The following PARD3B variants were observed in gnomAD, a reference collection of about 807,000 sequenced individuals.
PARD3B encodes the protein par-3 family cell polarity regulator beta, also known as partitioning defective 3 homolog B.
In PARD3B, 103 loss-of-function variants were observed where a neutral mutation model predicts 130.2. The observed-to-expected ratio is 0.79, with a 90% CI of 0.67 to 0.93. PARD3B has a LOEUF of 0.93. PARD3B is among the 40% of genes least tolerant of loss of function. The probability of loss-of-function intolerance (pLI) is 0.00; values close to 1 mark genes in which losing one functional copy is unlikely to be tolerated. For synonymous variants in PARD3B, 583 were observed against 553.2 expected, an observed-to-expected ratio of 1.05 and a Z score of -0.76; for missense variants, 1,609 against 1,499.2, an observed-to-expected ratio of 1.07 and a Z score of -1.21.
chr2:205,019,625 C>T (rs1696445418), intron 3 of PARD3B, among the ~76,000 whole-genome samples: 1 of 152,190 alleles, frequency 6.6e-6, no homozygotes, highest in South Asian at 2.1e-4. Flanking sequence ...CCCAGTTTCT[C>T]CACATCCTCA....
intron 21 of PARD3B, among the ~76,000 whole-genome samples, chr2:205,552,624 G>A (rs2052699127): frequency 6.6e-6 from 1 of 152,008 alleles, no homozygotes; most frequent in African/African-American, 2.4e-5. Context: ...GGCCAGTCTG[G>A]TCTCAGACTC....
At chr2:205,133,093 T>A (rs916112908) in intron 10 of PARD3B, among the ~76,000 whole-genome samples, 4 of 152,212 alleles carry the variant, frequency 2.6e-5, no homozygotes, top group Non-Finnish European at 5.9e-5. Context: ...GGATTTTCTC[T>A]GAGCAATAGC....
chr2:204,852,900 A>G (rs2125609670), intron 2 of PARD3B, among the ~76,000 whole-genome samples: 1 of 152,264 alleles, frequency 6.6e-6, no homozygotes, highest in Non-Finnish European at 1.5e-5. Context: ...TCTTGATAAT[A>G]AAAAGTTAAC....
chr2:205,307,065 G>T (rs955589883), intron 18 of PARD3B, among the ~76,000 whole-genome samples: 4 of 152,202 alleles, frequency 2.6e-5, no homozygotes, highest in Non-Finnish European at 4.4e-5. Context: ...GGCCAAGGGG[G>T]TGAATGAAGA....
chr2:205,555,692 A>G (rs2052851238), intron 22 of PARD3B, among the ~76,000 whole-genome samples: 1 of 152,210 alleles, frequency 6.6e-6, no homozygotes, highest in Non-Finnish European at 1.5e-5. Flanking sequence ...TCACTCACCC[A>G]CGTACACAAT....
intron 2 of PARD3B, among the ~76,000 whole-genome samples, chr2:204,916,299 T>C (rs575377998): frequency 6.6e-5 from 10 of 152,336 alleles, no homozygotes; most frequent in African/African-American, 2.4e-4. Flanking sequence ...GTTAAAAATA[T>C]CTAATAGATA....
intron 2 of PARD3B, among the ~76,000 whole-genome samples, chr2:204,746,756 T>C (rs1288519963): frequency 6.6e-6 from 1 of 152,222 alleles, no homozygotes. Flanking sequence ...TTTTCATGTG[T>C]CTGTTGGCTG....
intron 1 of PARD3B, among the ~76,000 whole-genome samples, chr2:204,652,418 C>T (rs919765143): frequency 6.6e-6 from 1 of 152,196 alleles, no homozygotes; most frequent in Non-Finnish European, 1.5e-5. Flanking sequence ...CAAAACATCA[C>T]CAATCTCTTC....
chr2:204,574,764 A>G (rs975001245), intron 1 of PARD3B, among the ~76,000 whole-genome samples: 1 of 152,176 alleles, frequency 6.6e-6, no homozygotes, highest in Non-Finnish European at 1.5e-5. Context: ...TGTCTTCTGT[A>G]TCATGTCTGT....
At chr2:205,236,280 A>G (rs1157304106) in intron 15 of PARD3B, among the ~76,000 whole-genome samples, 1 of 152,242 alleles carries the variant, frequency 6.6e-6, no homozygotes, top group Non-Finnish European at 1.5e-5. Context: ...AAATAATAAC[A>G]ATTCTACAGA....
chr2:205,037,231 T>C (rs1443372691), intron 3 of PARD3B, among the ~76,000 whole-genome samples: 1 of 147,942 alleles, frequency 6.8e-6, no homozygotes, highest in South Asian at 2.1e-4. Flanking sequence ...ATGTATATAG[T>C]GGACTGTGTA....
At chr2:205,275,186 G>A (rs2105813220) in intron 16 of PARD3B, among the ~76,000 whole-genome samples, 2 of 150,628 alleles carry the variant, frequency 1.3e-5, no homozygotes, top group African/African-American at 2.4e-5. Flanking sequence ...CCTGTTGAAC[G>A]GGAAAAATTA....
At chr2:204,789,617 C>T (rs1052308761) in intron 2 of PARD3B, among the ~76,000 whole-genome samples, 1 of 152,170 alleles carries the variant, frequency 6.6e-6, no homozygotes, top group African/African-American at 2.4e-5. Context: ...GGAAAGCCAT[C>T]AGCCTGAATT....
At chr2:204,552,889 T>C (rs1234359846) in intron 1 of PARD3B, among the ~76,000 whole-genome samples, 1 of 152,202 alleles carries the variant, frequency 6.6e-6, no homozygotes, top group East Asian at 1.9e-4. Context: ...ACCGTGCTGT[T>C]TGGTGACTAT....
At chr2:204,586,351 G>T (rs6743145) in intron 1 of PARD3B, among the ~76,000 whole-genome samples, 8,391 of 152,202 alleles carry the variant, frequency 0.055, 790 homozygotes, top group African/African-American at 0.19. Flanking sequence ...CTGTAGATCA[G>T]AATCTGAAGA....
chr2:205,582,587 C>G (rs2054027157), intron 22 of PARD3B, among the ~76,000 whole-genome samples: 2 of 151,726 alleles, frequency 1.3e-5, no homozygotes, highest in South Asian at 4.1e-4. Flanking sequence ...ATTCTCTAGA[C>G]TAGATTATTG....
At chr2:205,245,578 A>G (rs954014601) in intron 15 of PARD3B, among the ~76,000 whole-genome samples, 200 bp from the exon 16 acceptor site, 2 of 152,228 alleles carry the variant, frequency 1.3e-5, no homozygotes, top group Non-Finnish European at 2.9e-5. Context: ...TCTAATAAAC[A>G]TATATTTATT....
At chr2:205,044,900 A>G (rs953941102) in intron 3 of PARD3B, among the ~76,000 whole-genome samples, 6 of 152,104 alleles carry the variant, frequency 3.9e-5, no homozygotes, top group African/African-American at 1.4e-4. Context: ...CATTCTAGGA[A>G]GGGTTGTTTA....
chr2:204,636,453 A>AGTGTGTGTGTGTGT (rs10596741), intron 1 of PARD3B, among the ~76,000 whole-genome samples: 12 of 139,484 alleles, frequency 8.6e-5, no homozygotes, highest in African/African-American at 3.2e-4. Context: ...AGGTCAGGTG[A>AGTGTGTGTGTGTGT]GTGTGTGTGT....
Sources: gnomAD v4.1 joint callset for allele counts (sites outside exome capture counted in the v4.1 genomes callset) on GRCh38, gnomAD v4.1.1 for gene constraint, MANE v1.5 for transcripts, NCBI Gene and HGNC (gene_info 2026-07-23, HGNC 2026-07-21) for gene names.